KCNH7: variants seen among roughly 807,000 people sequenced by gnomAD.
KCNH7 encodes voltage-gated inwardly rectifying potassium channel KCNH7.
A neutral mutation model predicts 120.8 loss-of-function variants in KCNH7; 49 were observed. The ratio of observed to expected loss-of-function variants is 0.41; its 90% CI spans 0.32 to 0.51. The LOEUF is 0.51. Among genes scored for constraint, KCNH7 ranks in the 20% least tolerant of loss-of-function variants. The pLI, the probability that KCNH7 is intolerant of heterozygous loss-of-function variation, is 0.38. For synonymous variants in KCNH7, 547 were observed against 516.1 expected, an observed-to-expected ratio of 1.06 and a Z score of -0.81; for missense variants, 1,097 against 1,446.6, an observed-to-expected ratio of 0.76 and a Z score of 3.92.
chr2:162,799,831 C>A (rs866746147), intron 2 of KCNH7, among the ~76,000 whole-genome samples: 1 of 151,768 alleles, frequency 6.6e-6, no homozygotes, highest in Middle Eastern at 3.2e-3. Context: ...CTTAGAAAGT[C>A]CAGGGCATCA....
chr2:162,806,267 T>G (rs540637551), intron 2 of KCNH7, among the ~76,000 whole-genome samples: 1 of 152,264 alleles, frequency 6.6e-6, no homozygotes, highest in Admixed American at 6.5e-5. Flanking sequence ...ATAAAATAAA[T>G]TTTAAGCTTA....
intron 12 of KCNH7, among the ~76,000 whole-genome samples, chr2:162,390,255 C>T (rs184000494): frequency 0.015 from 2,149 of 146,530 alleles, 30 homozygotes; most frequent in African/African-American, 0.037. Flanking sequence ...TATATATATA[C>T]ACACACACAC....
chr2:162,420,503 A>G (rs1167956299), intron 9 of KCNH7, among the ~76,000 whole-genome samples: 1 of 152,238 alleles, frequency 6.6e-6, no homozygotes, highest in Non-Finnish European at 1.5e-5. Context: ...AAGGGAGTCC[A>G]TACTTGTTCC....
At chr2:162,638,735 A>G (rs1431966103) in intron 2 of KCNH7, among the ~76,000 whole-genome samples, 4 of 152,138 alleles carry the variant, frequency 2.6e-5, no homozygotes, top group Non-Finnish European at 4.4e-5. Flanking sequence ...AACTCAGATC[A>G]TTAAGCATAA....
chr2:162,744,643 G>T (rs974342239), intron 2 of KCNH7, among the ~76,000 whole-genome samples: 3 of 141,812 alleles, frequency 2.1e-5, no homozygotes, highest in Non-Finnish European at 4.5e-5. Flanking sequence ...CGTGATCTCC[G>T]CTTACTGCAA....
intron 2 of KCNH7, among the ~76,000 whole-genome samples, chr2:162,644,369 C>T (rs1311216428): frequency 6.6e-6 from 1 of 151,828 alleles, no homozygotes; most frequent in East Asian, 1.9e-4. Flanking sequence ...ATGATCCCAC[C>T]CCAGAAAAAT....
At chr2:162,773,403 G>A (rs1683129510) in intron 2 of KCNH7, among the ~76,000 whole-genome samples, 2 of 152,042 alleles carry the variant, frequency 1.3e-5, no homozygotes, top group South Asian at 2.1e-4. Context: ...CATGAGAATC[G>A]CTCGAACCCA....
chr2:162,439,647 A>T (rs2105534204), intron 7 of KCNH7, among the ~76,000 whole-genome samples: 1 of 152,184 alleles, frequency 6.6e-6, no homozygotes, highest in South Asian at 2.1e-4. Context: ...AATCTAAAGT[A>T]ACTCTCTTTC....
rs77670444 is a variant in KCNH7 at position 162,409,512 on chromosome 2, T to C, written c.2155-9071A>G. ...CCAATGAATATAATTATAAAATAGA[T>C]GCAAAATACTAAACAATTGACTAAC... On this transcript the variant is annotated intron_variant, in intron 9 of 15. Transcript: ENST00000332142. Among the ~76,000 whole-genome samples, 268 of 151,882 alleles carry C rather than the reference T, an allele frequency of 1.8e-3. 2 individuals are homozygous for C. The highest frequency in any genetic ancestry group is 0.01 in the Middle Eastern group (3 of 292).
At chr2:162,618,650 C>T (rs1481392216) in intron 2 of KCNH7, among the ~76,000 whole-genome samples, 1 of 152,074 alleles carries the variant, frequency 6.6e-6, no homozygotes, top group African/African-American at 2.4e-5. Context: ...TTTTTCATTA[C>T]TTGTGATCTC....
At chr2:162,611,435 C>A (rs968829806) in intron 2 of KCNH7, among the ~76,000 whole-genome samples, 5 of 151,962 alleles carry the variant, frequency 3.3e-5, no homozygotes, top group Non-Finnish European at 7.4e-5. Context: ...CTCTGCTCTC[C>A]GATACTCAGA....
intron 3 of KCNH7, among the ~76,000 whole-genome samples, chr2:162,528,988 T>C (rs1691817863): frequency 6.6e-6 from 1 of 151,908 alleles, no homozygotes; most frequent in Non-Finnish European, 1.5e-5. Flanking sequence ...TGACTATTCA[T>C]AATGTATGAA....
chr2:162,427,484 T>C (rs1288182634), intron 8 of KCNH7, among the ~76,000 whole-genome samples: 4 of 152,048 alleles, frequency 2.6e-5, no homozygotes, highest in Non-Finnish European at 5.9e-5. Flanking sequence ...ATGACTTTAT[T>C]CATCATTCAT....
chr2:162,492,546 T>C (rs1271303650), intron 6 of KCNH7, among the ~76,000 whole-genome samples: 1 of 152,202 alleles, frequency 6.6e-6, no homozygotes, highest in Non-Finnish European at 1.5e-5. Context: ...TCTAGCTTCC[T>C]TTCTTAAATC....
intron 2 of KCNH7, among the ~76,000 whole-genome samples, chr2:162,557,534 T>C (rs1485170314): frequency 2.0e-5 from 3 of 152,178 alleles, no homozygotes; most frequent in South Asian, 4.1e-4. Flanking sequence ...GGAGATATTG[T>C]TGCAGCTGTC....
intron 2 of KCNH7, among the ~76,000 whole-genome samples, chr2:162,724,453 A>C (rs376497122): frequency 6.6e-6 from 1 of 151,904 alleles, no homozygotes; most frequent in African/African-American, 2.4e-5. Context: ...CGGGCGGATC[A>C]CGAGGTCAGG....
chr2:162,461,738 T>C (rs942436161), intron 6 of KCNH7, among the ~76,000 whole-genome samples: 3 of 152,164 alleles, frequency 2.0e-5, no homozygotes, highest in African/African-American at 7.2e-5. Flanking sequence ...AAACCAACTG[T>C]TTTGTAAAAG....
chr2:162,634,148 G>A (rs537729063), intron 2 of KCNH7, among the ~76,000 whole-genome samples: 7 of 151,950 alleles, frequency 4.6e-5, no homozygotes, highest in Non-Finnish European at 8.8e-5. Flanking sequence ...TGTACTATAA[G>A]GACATTGTTT....
chr2:162,796,889 G>A (rs1356863236), intron 2 of KCNH7: 2 of 151,746 alleles, frequency 1.3e-5, no homozygotes, highest in African/African-American at 4.8e-5. Context: ...TGTTGCAGCA[G>A]AAGCGAGGGT....
Sources: allele counts gnomAD v4.1 joint callset (sites outside exome capture counted in the v4.1 genomes callset), GRCh38; gene constraint gnomAD v4.1.1; transcripts MANE v1.5; gene names NCBI Gene and HGNC (gene_info 2026-07-23, HGNC 2026-07-21).